PIBF1: variants seen among roughly 807,000 people sequenced by gnomAD.
PIBF1 encodes the protein progesterone-induced-blocking factor 1.
PIBF1 carries 90 observed loss-of-function variants against 112.5 expected under a neutral mutation model. The ratio of observed to expected loss-of-function variants is 0.80; its 90% CI spans 0.67 to 0.95. The LOEUF (loss-of-function observed/expected upper bound fraction) is 0.95. PIBF1 is among the 40% of genes least tolerant of loss of function. The pLI is 0.00. For missense variants in PIBF1, 915 were observed against 852.3 expected (o/e 1.07, Z -0.92); for synonymous variants, 301 against 288.6 (o/e 1.04, Z -0.44).
chr13:72,812,909 G>A (rs1044066164), intron 5 of PIBF1, among the ~76,000 whole-genome samples: 4 of 151,948 alleles, frequency 2.6e-5, no homozygotes, highest in Non-Finnish European at 4.4e-5. Flanking sequence ...AGCCAAGATC[G>A]CACCACTGTA....
chr13:72,886,507 T>C (rs1161697584), intron 10 of PIBF1, among the ~76,000 whole-genome samples: 1 of 151,984 alleles, frequency 6.6e-6, no homozygotes, highest in African/African-American at 2.4e-5. Context: ...CATGCTTTTA[T>C]TTTATGGCAA....
intron 10 of PIBF1, among the ~76,000 whole-genome samples, chr13:72,863,657 C>CAAA (rs529449867): frequency 1.8e-5 from 1 of 54,396 alleles, no homozygotes; most frequent in Non-Finnish European, 3.9e-5. Context: ...GACTCCGTCT[C>CAAA]AAAAAAAAAA....
At chr13:72,949,616 T>C (rs7322181) in intron 14 of PIBF1, among the ~76,000 whole-genome samples, 113,221 of 152,182 alleles carry the variant, frequency 0.74, 42,503 homozygotes, top group African/African-American at 0.82. Context: ...GGCACCCAGC[T>C]AACGAATAGC....
intron 8 of PIBF1, among the ~76,000 whole-genome samples, chr13:72,832,852 C>T (rs989197568): frequency 6.6e-6 from 1 of 152,222 alleles, no homozygotes; most frequent in East Asian, 1.9e-4. Context: ...TGGATAATAT[C>T]CTGAAGTGTT....
intron 10 of PIBF1, among the ~76,000 whole-genome samples, chr13:72,873,955 A>G (rs1395106048): frequency 6.6e-6 from 1 of 152,204 alleles, no homozygotes; most frequent in Non-Finnish European, 1.5e-5. Flanking sequence ...CCACTTCATG[A>G]AAGTAGAAAT....
At chr13:72,841,111 AC>A (rs2037591128) in intron 9 of PIBF1, among the ~76,000 whole-genome samples, 1 of 152,204 alleles carries the variant, frequency 6.6e-6, no homozygotes, top group Admixed American at 6.5e-5. Context: ...ATATTTAGAT[AC>A]ATCAAACATA....
At chr13:72,876,896 A>G (rs562609044) in intron 10 of PIBF1, among the ~76,000 whole-genome samples, 2 of 152,200 alleles carry the variant, frequency 1.3e-5, no homozygotes, top group South Asian at 2.1e-4. Context: ...TTCCCAATCT[A>G]TATACTTTTT....
intron 17 of PIBF1, among the ~76,000 whole-genome samples, chr13:73,006,656 C>T (rs531849767): frequency 2.6e-5 from 4 of 152,060 alleles, no homozygotes; most frequent in Non-Finnish European, 4.4e-5. Context: ...TAATTTCTAG[C>T]TCTTTTTTTA....
intron 10 of PIBF1, among the ~76,000 whole-genome samples, chr13:72,885,502 G>A (rs1260744798): frequency 6.6e-6 from 1 of 152,056 alleles, no homozygotes; most frequent in Non-Finnish European, 1.5e-5. Flanking sequence ...TTAAGAGTTA[G>A]TAATATTCTG....
chr13:72,931,242 A>C lies in PIBF1; in HGVS notation c.1808A>C (p.Asp603Ala). 6.2e-7 allele frequency: 1 copy of C among 1,610,402 alleles called. No homozygotes were observed. Among genetic ancestry groups the C allele is most frequent in the Non-Finnish European group, 8.5e-7 (1 of 1,177,282 alleles). Residue 603 changes from aspartate to alanine, a missense_variant, in exon 14 of 18, where the codon GAC becomes GCC. Physicochemically the swap from Asp to Ala is moderately radical, Grantham distance 126. Coordinates refer to ENST00000326291, the MANE Select transcript of PIBF1 (RefSeq NM_006346.4). ...TTAAAAGATCTGGAACATCGAAAGG[A>C]CCAAGTAACACAGCTTTCACAAGAG... Reference protein sequence around the residue: ...LILKDLEHRKDQVTQLSQELD... With the variant: ...LILKDLEHRKAQVTQLSQELD...
Position 72,998,885 on chromosome 13 carries a change from C to A in PIBF1, c.2113C>A (p.Leu705Ile), listed in dbSNP as rs758859825. 29 of 1,611,588 alleles carry A rather than the reference C, an allele frequency of 1.8e-5. No individual in the cohort carries two copies. Among genetic ancestry groups the A allele is most frequent in the Non-Finnish European group, 2.4e-5 (28 of 1,178,108 alleles). Reference protein sequence around the residue: ...MHSKHSENSLLLTKTEPKHVT... With the variant: ...MHSKHSENSLILTKTEPKHVT... ...TAGTAAACATTCTGAGAACAGCTTA[C>A]TTCTCACTAAAACAGAACCAAAACA... The change falls in exon 17 of 18, where the codon CTT becomes ATT. Residue 705 changes from leucine (L) to isoleucine (I), a missense_variant. Leu to Ile is a conservative substitution (Grantham distance 5). Coordinates refer to ENST00000326291, the MANE Select transcript of PIBF1 (RefSeq NM_006346.4).
chr13:72,893,700 G>A, intron 10 of PIBF1, 84 bp from the exon 11 acceptor site: 1 of 785,584 alleles, frequency 1.3e-6, no homozygotes, highest in Non-Finnish European at 1.9e-6. Context: ...TGGGGGAGTA[G>A]AAAACATAGA....
At chr13:72,881,147 G>A (rs144357117) in intron 10 of PIBF1, 1 of 148,628 alleles carries the variant, frequency 6.7e-6, no homozygotes, top group East Asian at 2.0e-4. Context: ...TGTCATCCGT[G>A]TGCAGGAACC....
intron 5 of PIBF1, among the ~76,000 whole-genome samples, chr13:72,806,259 T>C (rs975932246): frequency 3.9e-5 from 6 of 152,186 alleles, no homozygotes; most frequent in Non-Finnish European, 8.8e-5. Context: ...ATGATTTTGA[T>C]TAGTTTAGAT....
chr13:72,984,847 A>T (rs1166536899), intron 16 of PIBF1, among the ~76,000 whole-genome samples: 1 of 152,186 alleles, frequency 6.6e-6, no homozygotes, highest in Non-Finnish European at 1.5e-5. Context: ...CCAATATATT[A>T]ATATCTCATC....
chr13:72,922,784 C>T (rs767383365), intron 13 of PIBF1, among the ~76,000 whole-genome samples: 1 of 152,078 alleles, frequency 6.6e-6, no homozygotes, highest in Non-Finnish European at 1.5e-5. Context: ...AACTTGTACT[C>T]ATTTCATTTG....
chr13:72,826,778 A>G (rs2138153456), intron 6 of PIBF1, among the ~76,000 whole-genome samples: 1 of 152,276 alleles, frequency 6.6e-6, no homozygotes, highest in South Asian at 2.1e-4. Flanking sequence ...TGGCTTATGT[A>G]GTTTGTATAT....
intron 17 of PIBF1, among the ~76,000 whole-genome samples, chr13:73,011,617 A>G (rs1042780678): frequency 3.3e-5 from 5 of 151,990 alleles, no homozygotes; most frequent in African/African-American, 9.7e-5. Context: ...AAGGGAAAAA[A>G]AACTGAGAAA....
chr13:72,970,400 A>G (rs978359699), intron 15 of PIBF1, among the ~76,000 whole-genome samples: 1 of 152,198 alleles, frequency 6.6e-6, no homozygotes, highest in African/African-American at 2.4e-5. Context: ...AATAATTAGC[A>G]TAATTTTCTT....
Sources: allele counts gnomAD v4.1 joint callset (sites outside exome capture counted in the v4.1 genomes callset), GRCh38; gene constraint gnomAD v4.1.1; transcripts MANE v1.5; gene names NCBI Gene and HGNC (gene_info 2026-07-23, HGNC 2026-07-21).